CD2AP: variants seen among roughly 807,000 people sequenced by gnomAD.
CD2AP encodes CD2 associated protein, also known as CD2-associated protein.
In CD2AP, 46 loss-of-function variants were observed where a neutral mutation model predicts 85.1. The ratio of observed to expected loss-of-function variants is 0.54; its 90% CI spans 0.43 to 0.69. The LOEUF (loss-of-function observed/expected upper bound fraction) is 0.69. Ranked by LOEUF, CD2AP falls within the 30% of genes least tolerant of loss-of-function variation. The pLI, the probability that CD2AP is intolerant of heterozygous loss-of-function variation, is 0.00. For missense variants in CD2AP, 769 were observed against 729.5 expected (o/e 1.05, Z -0.62); for synonymous variants, 255 against 252.9 (o/e 1.01, Z -0.08).
At chr6:47,563,333 T>G (rs1345252380) in intron 5 of CD2AP, among the ~76,000 whole-genome samples, 1 of 152,208 alleles carries the variant, frequency 6.6e-6, no homozygotes, top group Non-Finnish European at 1.5e-5. Context: ...CTAAATGTAA[T>G]ACTTTGTTTG....
intron 16 of CD2AP, among the ~76,000 whole-genome samples, chr6:47,611,728 C>T (rs1769446706): frequency 7.9e-5 from 12 of 151,914 alleles, no homozygotes; most frequent in Admixed American, 7.9e-4. Context: ...CATATTCCTC[C>T]CATTCCTTCT....
At chr6:47,487,639 G>A (rs1196286153) in intron 1 of CD2AP, among the ~76,000 whole-genome samples, 1 of 152,152 alleles carries the variant, frequency 6.6e-6, no homozygotes, top group African/African-American at 2.4e-5. Context: ...GCAGTGAGCT[G>A]AGATCGCGCC....
intron 2 of CD2AP, among the ~76,000 whole-genome samples, chr6:47,522,120 G>A (rs917697769): frequency 6.6e-6 from 1 of 152,170 alleles, no homozygotes; most frequent in Admixed American, 6.5e-5. Flanking sequence ...ATATAAAAGG[G>A]TGCAGAGTCC....
chr6:47,515,381 G>C (rs1474774206), intron 2 of CD2AP, among the ~76,000 whole-genome samples: 2 of 152,214 alleles, frequency 1.3e-5, no homozygotes, highest in Non-Finnish European at 2.9e-5. Context: ...GTGCTACATT[G>C]AGAGTGGAAA....
chr6:47,533,578 C>G, intron 2 of CD2AP, 24 bp from the exon 3 acceptor site: 1 of 1,609,866 alleles, frequency 6.2e-7, no homozygotes, highest in East Asian at 2.2e-5. Context: ...TAACTTGCCT[C>G]TTTATTTATT....
chr6:47,538,407 A>G lies in CD2AP; in HGVS notation c.319+4652A>G, dbSNP rs566185876. 8.6e-5 allele frequency among the ~76,000 whole-genome samples: 13 copies of G among 151,600 alleles called. No individual in the cohort carries two copies. In the South Asian group the frequency reaches 2.7e-3, roughly 32 times the overall value. ...CAGGCGTGCACCACCATGCCTGGCT[A>G]CCTTTTGTATTTTTAGTAGAGACAG... On this transcript the variant is annotated intron_variant, in intron 3 of 17. Coordinates refer to ENST00000359314, the MANE Select transcript of CD2AP (RefSeq NM_012120.3).
intron 2 of CD2AP, among the ~76,000 whole-genome samples, chr6:47,521,127 A>G (rs992189682): frequency 6.6e-6 from 1 of 152,180 alleles, no homozygotes; most frequent in Non-Finnish European, 1.5e-5. Flanking sequence ...CACCTACTCC[A>G]TCTTTCTGTA....
At chr6:47,543,168 A>AG (rs1487705206) in intron 3 of CD2AP, among the ~76,000 whole-genome samples, 19 of 136,792 alleles carry the variant, frequency 1.4e-4, no homozygotes, top group African/African-American at 4.8e-4. Context: ...AAAAAAAAAA[A>AG]AAAAGAAAAA....
At chr6:47,573,131 G>T (rs1161540703) in intron 5 of CD2AP, among the ~76,000 whole-genome samples, 1 of 152,062 alleles carries the variant, frequency 6.6e-6, no homozygotes, top group Non-Finnish European at 1.5e-5. Flanking sequence ...AGGGTTGTTT[G>T]TGGACTCATT....
chr6:47,622,368 C>G (rs2171086), intron 17 of CD2AP, among the ~76,000 whole-genome samples: 1 of 151,954 alleles, frequency 6.6e-6, no homozygotes, highest in Non-Finnish European at 1.5e-5. Context: ...TCTCTCGCCC[C>G]GTTCAAATTG....
intron 1 of CD2AP, among the ~76,000 whole-genome samples, chr6:47,495,208 C>T (rs960574299): frequency 3.9e-5 from 6 of 151,916 alleles, no homozygotes; most frequent in African/African-American, 7.3e-5. Context: ...TTAAGGATTT[C>T]GAGATGAAGA....
At chr6:47,551,543 G>T (rs1365041769) in intron 4 of CD2AP, among the ~76,000 whole-genome samples, 1 of 152,136 alleles carries the variant, frequency 6.6e-6, no homozygotes, top group East Asian at 1.9e-4. Context: ...TAAGAAGATA[G>T]GTATTTTTAT....
intron 12 of CD2AP, among the ~76,000 whole-genome samples, chr6:47,596,383 C>T (rs1284896853): frequency 6.6e-6 from 1 of 152,072 alleles, no homozygotes; most frequent in Non-Finnish European, 1.5e-5. Flanking sequence ...TCTATCTAAC[C>T]GTATGTATTC....
chr6:47,525,875 G>A (rs1242694561), intron 2 of CD2AP, among the ~76,000 whole-genome samples: 1 of 151,970 alleles, frequency 6.6e-6, no homozygotes, highest in African/African-American at 2.4e-5. Flanking sequence ...TACCTATTGT[G>A]CAAGTGGCTT....
At position 47,507,032 on chromosome 6, in the gene CD2AP, G is replaced by A. The variant is rs1406038952; in HGVS notation, c.165+3592G>A. Among the ~76,000 whole-genome samples the A allele has an allele frequency of 2.0e-5, 3 of 152,132 alleles. No homozygotes were observed. The East Asian group carries it at 5.8e-4, about 29-fold the overall frequency. ...CTTCTGCTTTGTCAACTAAGTTTAT[G>A]TAATATTTTGAATCCTGCATTGTCA... On this transcript the variant is annotated intron_variant, in intron 2 of 17. Coordinates refer to ENST00000359314, the MANE Select transcript of CD2AP (RefSeq NM_012120.3).
At chr6:47,524,265 G>T (rs1766667387) in intron 2 of CD2AP, among the ~76,000 whole-genome samples, 1 of 152,058 alleles carries the variant, frequency 6.6e-6, no homozygotes, top group African/African-American at 2.4e-5. Context: ...GCCAGAGCTG[G>T]GCTTCTGGGA....
At chr6:47,519,116 A>G (rs988196944) in intron 2 of CD2AP, among the ~76,000 whole-genome samples, 4 of 152,248 alleles carry the variant, frequency 2.6e-5, no homozygotes, top group Admixed American at 6.5e-5. Flanking sequence ...TAATGAGTTC[A>G]TATTCTAATG....
In CD2AP at chr6:47,557,728, C is replaced by T. The variant is rs186476544; in HGVS notation, c.541+2962C>T. On this transcript the variant is annotated intron_variant, in intron 5 of 17. Transcript: ENST00000359314. The stretch of plus-strand genomic sequence containing the variant: ...GACCATGCTGTTTTGGTTACTGTAG[C>T]CTTGTAGTATAGTTTGAAGTCAGGT... 6.2e-4 allele frequency among the ~76,000 whole-genome samples: 95 copies of T among 152,216 alleles called. 1 individual carries two copies. The highest frequency in any genetic ancestry group is 2.1e-4 in the South Asian group (1 of 4,828).
intron 1 of CD2AP, among the ~76,000 whole-genome samples, chr6:47,480,733 GA>G (rs141302240): frequency 3.3e-5 from 5 of 149,708 alleles, no homozygotes; most frequent in Middle Eastern, 3.5e-3. Flanking sequence ...ACCAACTTGG[GA>G]AAAAAAAAAT....
Sources: gnomAD v4.1 joint callset for allele counts (sites outside exome capture counted in the v4.1 genomes callset) on GRCh38, gnomAD v4.1.1 for gene constraint, MANE v1.5 for transcripts, NCBI Gene and HGNC (gene_info 2026-07-23, HGNC 2026-07-21) for gene names.